The following MPND variants were observed in gnomAD, a reference collection of about 807,000 sequenced individuals.
The protein encoded by MPND is MPN domain-containing protein.
MPND carries 56 observed loss-of-function variants against 59.2 expected under a neutral mutation model. The ratio of observed to expected loss-of-function variants is 0.95; its 90% CI spans 0.76 to 1.18. The LOEUF is 1.18. Ranked by LOEUF, MPND falls within the 50% of genes most tolerant of loss-of-function variation. MPND has a pLI of 0.00. For missense variants in MPND, 671 were observed against 676.0 expected (o/e 0.99, Z 0.08); for synonymous variants, 323 against 291.9 (o/e 1.11, Z -1.09).
rs1330980250 is a variant in MPND at position 4,360,054 on chromosome 19, A to C, written c.*52A>C. ...TTGTCTTGAGGGTCCGGATGGGCTC[A>C]GGTAATAAAGAAACGGAAGCAGCAG... is the stretch of plus-strand genomic sequence containing the variant. On this transcript the variant is annotated 3_prime_UTR_variant, in exon 13 of 13. Coordinates refer to ENST00000599840, the MANE Select transcript of MPND (RefSeq NM_001300862.2). 6.8e-7 allele frequency: 1 copy of C among 1,474,456 alleles called. No individual in the cohort carries two copies. The highest frequency in any genetic ancestry group is 9.2e-7 in the Non-Finnish European group (1 of 1,082,120). The allele number at this position is 1,474,456 out of a possible 1,614,324, so 91.3% of individuals were successfully genotyped here. A position where few individuals can be genotyped will look rare whatever the true frequency, so the allele number is the denominator to read the frequency against.
At chr19:4,352,513 C>T (rs915777428) in intron 3 of MPND, among the ~76,000 whole-genome samples, 4 of 152,118 alleles carry the variant, frequency 2.6e-5, no homozygotes, top group Admixed American at 6.6e-5. Context: ...GGAGAAATCC[C>T]GTCTCTACTA....
chr19:4,343,722 TC>T lies in MPND; in HGVS notation c.26del (p.Pro9ArgfsTer127). Reference sequence around the variant, plus strand: ...GCTGTCCGCAGCTCCGGAGCCGCTGTCCCCGGCGGGCGGTGCGGGCGAGGAG... The same window carrying T: ...GCTGTCCGCAGCTCCGGAGCCGCTGTCCCGGCGGGCGGTGCGGGCGAGGAG... MAAPEPL[S>X]PAGGAGEEAP... On this transcript the variant is annotated frameshift_variant, in exon 2 of 13. Coordinates refer to ENST00000599840, the MANE Select transcript of MPND (RefSeq NM_001300862.2). LOFTEE classifies it high-confidence loss of function. 8.3e-7 allele frequency: 1 copy of T among 1,203,184 alleles called. No homozygotes were observed. The highest frequency in any genetic ancestry group is 1.0e-6 in the Non-Finnish European group (1 of 969,798). 74.5% of individuals were successfully genotyped at this position (1,203,184 alleles called of 1,614,324 possible).
intron 3 of MPND, 51 bp from the exon 4 acceptor site, chr19:4,352,846 G>T (rs770081815): frequency 1.5e-6 from 2 of 1,312,938 alleles, no homozygotes; most frequent in Admixed American, 6.4e-5. Context: ...GGGAGCGGGG[G>T]GGCACCCAGC....
At chr19:4,354,859 GTC>G (rs1338216952) in intron 6 of MPND, 88 bp from the exon 7 acceptor site, 13 of 1,332,958 alleles carry the variant, frequency 9.8e-6, no homozygotes, top group Non-Finnish European at 1.3e-5. Context: ...GCAAGACTGA[GTC>G]TCAAAGAGAA....
chr19:4,347,530 C>T (rs113074078), intron 3 of MPND, among the ~76,000 whole-genome samples: 4,997 of 152,164 alleles, frequency 0.033, 241 homozygotes, highest in African/African-American at 0.1. Context: ...TGAGCCACCG[C>T]GCCCAGCTGC....
At position 4,343,925 on chromosome 19, in the gene MPND, C is replaced by T; in HGVS notation, c.225C>T (p.Val75=). Residue 75 remains valine, a synonymous_variant, in exon 2 of 13, where the codon GTC becomes GTT. Coordinates refer to ENST00000599840, the MANE Select transcript of MPND (RefSeq NM_001300862.2). ...GPGGALTRRA[V]TLRVLLKDAL... is the part of the protein sequence containing the mutation. ...GGGGCGCGCTCACCAGGCGCGCGGT[C>T]ACACTGCGGGTGCTCCTCAAAGACG... The T allele has an allele frequency of 7.6e-7, 1 of 1,318,480 alleles. No homozygotes were observed. Among genetic ancestry groups the T allele is most frequent in the Non-Finnish European group, 9.7e-7 (1 of 1,034,492 alleles). The allele number at this position is 1,318,480 out of a possible 1,614,324, so 81.7% of individuals were successfully genotyped here.
At position 4,359,977 on chromosome 19, in the gene MPND, G is replaced by T; in HGVS notation, c.1481G>T (p.Cys494Phe). 1 of 1,569,540 alleles carries T rather than the reference G, an allele frequency of 6.4e-7. No homozygotes were observed. The highest frequency in any genetic ancestry group is 8.6e-7 in the Non-Finnish European group (1 of 1,156,894). ...QSLCHVLEQV[C>F]GVLKQGS ...CTGTGTCACGTCCTGGAACAGGTGTGCGGCGTCCTCAAGCAGGGGAGCTGA... is the reference window on the plus strand; with the variant it reads ...CTGTGTCACGTCCTGGAACAGGTGTTCGGCGTCCTCAAGCAGGGGAGCTGA... Residue 494 changes from cysteine (C) to phenylalanine (F), a missense_variant, in exon 13 of 13, where the codon TGC (cysteine) becomes TTC (phenylalanine). Transcript: ENST00000599840.
At chr19:4,351,563 G>A (rs900352102) in intron 3 of MPND, among the ~76,000 whole-genome samples, 1 of 151,998 alleles carries the variant, frequency 6.6e-6, no homozygotes, top group Non-Finnish European at 1.5e-5. Flanking sequence ...CCCTTTTACA[G>A]ATAAGAATAG....
In MPND at chr19:4,355,236, C is replaced by T. The variant is rs574037276; in HGVS notation, c.996+63C>T. 3.1e-5 allele frequency: 48 copies of T among 1,556,652 alleles called. No individual in the cohort carries two copies. The African/African-American group carries it at 3.7e-4, about 12-fold the overall frequency. On this transcript the variant is annotated intron_variant, in intron 8 of 12. Coordinates refer to ENST00000599840, the MANE Select transcript of MPND (RefSeq NM_001300862.2). ...TTGGGAAGGGACATAGCTGTCCTGG[C>T]GACTGCCCAGTGGCTGGCAGTGTCA...
At chr19:4,352,096 C>G (rs1041182923) in intron 3 of MPND, among the ~76,000 whole-genome samples, 8 of 151,774 alleles carry the variant, frequency 5.3e-5, no homozygotes, top group African/African-American at 1.9e-4. Flanking sequence ...TGGCTTGAAC[C>G]CGGAAGGCAG....
chr19:4,347,248 T>G (rs921249520), intron 3 of MPND: 92 of 152,054 alleles, frequency 6.1e-4, no homozygotes, highest in African/African-American at 2.1e-3. Flanking sequence ...GATATGTTTT[T>G]TTTTTTTTTC....
Position 4,360,015 on chromosome 19 carries a change from AG to A in MPND, c.*16del, listed in dbSNP as rs1447128374. On this transcript the variant is annotated 3_prime_UTR_variant, in exon 13 of 13. Coordinates refer to ENST00000599840, the MANE Select transcript of MPND (RefSeq NM_001300862.2). ...GCAGGGGAGCTGAGCCTTCCAGGGCAGGGTGGGCTCCAGTTGTCTTGAGGGT... is the reference window on the plus strand; with the variant it reads ...GCAGGGGAGCTGAGCCTTCCAGGGCAGGTGGGCTCCAGTTGTCTTGAGGGT... 1 of 1,554,728 alleles carries A rather than the reference AG, an allele frequency of 6.4e-7. No homozygotes were observed. Among genetic ancestry groups the A allele is most frequent in the Admixed American group, 1.9e-5 (1 of 52,008 alleles).
Position 4,354,391 on chromosome 19 carries a change from G to T in MPND, c.817G>T (p.Ala273Ser). 6.4e-7 allele frequency: 1 copy of T among 1,559,948 alleles called. No individual in the cohort carries two copies. The highest frequency in any genetic ancestry group is 1.2e-5 in the South Asian group (1 of 84,736). The change falls in exon 6 of 13, where the codon GCT (alanine) becomes TCT (serine). Residue 273 changes from alanine (A) to serine (S), a missense_variant. Coordinates refer to ENST00000599840, the MANE Select transcript of MPND (RefSeq NM_001300862.2). ...AINKFQPFNVAVSSNVLFLLD... is the reference protein window; with the variant it reads ...AINKFQPFNVSVSSNVLFLLD... ...CAACAAGTTCCAGCCGTTCAACGTGGCTGTTTCTAGCAACGTGCTGTTCCT... is the reference window on the plus strand; with the variant it reads ...CAACAAGTTCCAGCCGTTCAACGTGTCTGTTTCTAGCAACGTGCTGTTCCT...
At chr19:4,353,878 G>T (rs1006827526) in intron 4 of MPND, 167 bp from the exon 5 acceptor site, 10 of 588,694 alleles carry the variant, frequency 1.7e-5, no homozygotes, top group African/African-American at 5.6e-5. Context: ...ACTCAGGCTG[G>T]AGTGCAGTGG....
chr19:4,344,978 G>A (rs1182407967), intron 2 of MPND, among the ~76,000 whole-genome samples: 3 of 143,436 alleles, frequency 2.1e-5, no homozygotes, highest in African/African-American at 7.8e-5. Context: ...TCCTGACCTC[G>A]TGGTCCGCCT....
Position 4,352,930 on chromosome 19 carries a change from C to A in MPND, c.565C>A (p.Leu189Met). 7.1e-7 allele frequency: 1 copy of A among 1,401,344 alleles called. No homozygotes were observed. The highest frequency in any genetic ancestry group is 9.4e-7 in the Non-Finnish European group (1 of 1,068,332). The allele number at this position is 1,401,344 out of a possible 1,614,324, so 86.8% of individuals were successfully genotyped here. Residue 189 changes from leucine to methionine, a missense_variant, in exon 4 of 13, where the codon CTG becomes ATG. Leu to Met is a conservative substitution (Grantham distance 15). Transcript: ENST00000599840. ...CAGTGAAGGGGAGGAGGAGGAGTTGCTGATGGAAGAGGAGGAGGAGGACGT... is the reference window on the plus strand; with the variant it reads ...CAGTGAAGGGGAGGAGGAGGAGTTGATGATGGAAGAGGAGGAGGAGGACGT... ...PASEGEEEELLMEEEEEDVLA... is the reference protein window; with the variant it reads ...PASEGEEEELMMEEEEEDVLA...
At position 4,353,712 on chromosome 19, in the gene MPND, C is replaced by T. The variant is rs758679137; in HGVS notation, c.665-333C>T. On this transcript the variant is annotated intron_variant, in intron 4 of 12. Transcript: ENST00000599840. ...GAGTAACTGGGACCACAGGTGTGCA[C>T]CACCACACCCGGCTAATTTTTGTAT... 5.4e-4 allele frequency: 146 copies of T among 269,456 alleles called. 1 individual carries two copies. The highest frequency in any genetic ancestry group is 7.9e-4 in the Non-Finnish European group (108 of 136,758). 16.7% of individuals were successfully genotyped at this position (269,456 alleles called of 1,614,324 possible).
rs367697549 is a variant in MPND, at chr19:4,360,026, C to T, written c.*24C>T. On this transcript the variant is annotated 3_prime_UTR_variant, in exon 13 of 13. Transcript: ENST00000599840. ...GAGCCTTCCAGGGCAGGGTGGGCTCCAGTTGTCTTGAGGGTCCGGATGGGC... is the reference window on the plus strand; with the variant it reads ...GAGCCTTCCAGGGCAGGGTGGGCTCTAGTTGTCTTGAGGGTCCGGATGGGC... 29 of 1,548,062 alleles carry T rather than the reference C, an allele frequency of 1.9e-5. No individual in the cohort carries two copies. Among genetic ancestry groups the T allele is most frequent in the Non-Finnish European group, 1.9e-5 (22 of 1,143,956 alleles).
chr19:4,355,486 C>T (rs1972418383), intron 8 of MPND, among the ~76,000 whole-genome samples: 1 of 152,160 alleles, frequency 6.6e-6, no homozygotes. Context: ...CAGGTGCCTG[C>T]CACCACGCCC....
Sources: gnomAD v4.1 joint callset for allele counts (sites outside exome capture counted in the v4.1 genomes callset) on GRCh38, gnomAD v4.1.1 for gene constraint, MANE v1.5 for transcripts, NCBI Gene and HGNC (gene_info 2026-07-23, HGNC 2026-07-21) for gene names.